The following SNTG1 variants were observed in gnomAD, a reference collection of about 807,000 sequenced individuals.
The protein encoded by SNTG1 is syntrophin gamma 1, also known as gamma-1-syntrophin.
SNTG1 carries 39 observed loss-of-function variants against 74.7 expected under a neutral mutation model. That is an observed-to-expected ratio of 0.52 (90% CI 0.40 to 0.68). SNTG1 has a LOEUF of 0.68. Among genes scored for constraint, SNTG1 ranks in the 30% least tolerant of loss-of-function variants. The pLI is 0.00. For synonymous variants in SNTG1, 254 were observed against 217.1 expected (o/e 1.17, Z -1.49); for missense variants, 685 against 609.5 (o/e 1.12, Z -1.30).
Position 50,074,912 on chromosome 8 carries a change from G to A in SNTG1, c.-102-97649G>A, listed in dbSNP as rs368260521. 5.3e-5 allele frequency among the ~76,000 whole-genome samples: 8 copies of A among 152,154 alleles called. No individual in the cohort carries two copies. The South Asian group carries it at 1.0e-3, about 20-fold the overall frequency. On this transcript the variant is annotated intron_variant, in intron 1 of 18. Coordinates refer to ENST00000642720, the MANE Select transcript of SNTG1 (RefSeq NM_018967.5). ...TGCCCCGGCCGCACTCGCGGCGCAC[G>A]CGAGTTCGGGGTGGGCATCCTCTCC...
At chr8:50,430,794 A>T (rs928574363) in intron 4 of SNTG1, among the ~76,000 whole-genome samples, 11 of 152,226 alleles carry the variant, frequency 7.2e-5, no homozygotes, top group African/African-American at 2.7e-4. Context: ...CAAGAATGAC[A>T]TGTTCTTACA....
intron 12 of SNTG1, among the ~76,000 whole-genome samples, chr8:50,562,015 A>T (rs1454644366): frequency 1.3e-5 from 2 of 152,214 alleles, no homozygotes; most frequent in Non-Finnish European, 2.9e-5. Context: ...TTACCCAAAA[A>T]AGATAACTGT....
intron 2 of SNTG1, among the ~76,000 whole-genome samples, chr8:50,326,620 A>C (rs1305843316): frequency 6.6e-6 from 1 of 150,818 alleles, no homozygotes; most frequent in Non-Finnish European, 1.5e-5. Context: ...CTGTTTTACT[A>C]ATTTTATTGA....
intron 9 of SNTG1, among the ~76,000 whole-genome samples, chr8:50,522,654 T>A (rs924758043): frequency 6.6e-6 from 1 of 150,790 alleles, no homozygotes; most frequent in Admixed American, 6.6e-5. Context: ...TCTACACTAA[T>A]TGCAGCCTTT....
intron 8 of SNTG1, among the ~76,000 whole-genome samples, chr8:50,464,731 T>C (rs1418028108): frequency 2.0e-5 from 3 of 151,852 alleles, no homozygotes; most frequent in African/African-American, 7.3e-5. Context: ...AGAGTGGAAC[T>C]CTGTCTCAAA....
intron 12 of SNTG1, among the ~76,000 whole-genome samples, chr8:50,559,114 A>C (rs2094472741): frequency 6.6e-6 from 1 of 152,198 alleles, no homozygotes; most frequent in Non-Finnish European, 1.5e-5. Context: ...GCAAAGAAAA[A>C]TCATGCCAGA....
intron 1 of SNTG1, among the ~76,000 whole-genome samples, chr8:50,172,032 C>A (rs1034861172): frequency 6.6e-6 from 1 of 152,174 alleles, no homozygotes; most frequent in African/African-American, 2.4e-5. Context: ...ACTCTAGCCT[C>A]TAAAATTAGC....
intron 15 of SNTG1, among the ~76,000 whole-genome samples, chr8:50,701,422 C>T (rs2095423119): frequency 6.6e-6 from 1 of 152,154 alleles, no homozygotes; most frequent in Non-Finnish European, 1.5e-5. Context: ...TTCTGAAATG[C>T]CTGACTTGGC....
intron 2 of SNTG1, among the ~76,000 whole-genome samples, chr8:50,273,643 T>A: frequency 6.6e-6 from 1 of 152,272 alleles, no homozygotes; most frequent in African/African-American, 2.4e-5. Flanking sequence ...AACAGAATGA[T>A]CAGTGTAGGC....
chr8:50,016,908 T>A (rs1313047509), intron 1 of SNTG1, among the ~76,000 whole-genome samples: 2 of 152,062 alleles, frequency 1.3e-5, no homozygotes, highest in Admixed American at 1.3e-4. Context: ...TGACTTCACG[T>A]CAGAAACCAA....
chr8:50,339,163 A>G (rs919838186), intron 2 of SNTG1, among the ~76,000 whole-genome samples: 1 of 152,104 alleles, frequency 6.6e-6, no homozygotes, highest in Non-Finnish European at 1.5e-5. Context: ...TGAAAATTTC[A>G]TTAAAAAACA....
At chr8:50,282,590 C>T (rs1328561568) in intron 2 of SNTG1, among the ~76,000 whole-genome samples, 2 of 109,102 alleles carry the variant, frequency 1.8e-5, no homozygotes, top group African/African-American at 2.9e-5. Context: ...CTGTCTGCCC[C>T]GTCCCTACTG....
chr8:50,161,742 T>A (rs1002695961), intron 1 of SNTG1, among the ~76,000 whole-genome samples: 1 of 150,266 alleles, frequency 6.7e-6, no homozygotes, highest in Non-Finnish European at 1.5e-5. Context: ...ACAAAAAAGG[T>A]ATGGAAGAAA....
intron 4 of SNTG1, among the ~76,000 whole-genome samples, chr8:50,427,931 T>A (rs923457594): frequency 2.0e-5 from 3 of 152,216 alleles, no homozygotes; most frequent in African/African-American, 7.2e-5. Flanking sequence ...GCCAGAGTTT[T>A]CAGTTAGAGA....
At chr8:50,254,499 C>G (rs1335143975) in intron 2 of SNTG1, among the ~76,000 whole-genome samples, 1 of 152,100 alleles carries the variant, frequency 6.6e-6, no homozygotes, top group Non-Finnish European at 1.5e-5. Flanking sequence ...ACTTGAGTCT[C>G]AAATTTCTTA....
At chr8:49,984,020 C>T (rs2130188383) in intron 1 of SNTG1, among the ~76,000 whole-genome samples, 2 of 152,172 alleles carry the variant, frequency 1.3e-5, no homozygotes, top group South Asian at 2.1e-4. Context: ...TCTTACTATC[C>T]ATTATACTAG....
intron 18 of SNTG1, among the ~76,000 whole-genome samples, chr8:50,752,497 A>G (rs952247790): frequency 2.6e-5 from 4 of 151,930 alleles, no homozygotes; most frequent in African/African-American, 9.7e-5. Flanking sequence ...TTATTTACAT[A>G]TATTTTTTCA....
intron 15 of SNTG1, among the ~76,000 whole-genome samples, chr8:50,703,379 A>C (rs1455037234): frequency 6.6e-6 from 1 of 152,130 alleles, no homozygotes; most frequent in Non-Finnish European, 1.5e-5. Context: ...CTTGGCCTGC[A>C]TATAGTCAGG....
At chr8:50,574,073 A>G (rs899099673) in intron 12 of SNTG1, among the ~76,000 whole-genome samples, 2 of 152,000 alleles carry the variant, frequency 1.3e-5, no homozygotes, top group African/African-American at 2.4e-5. Context: ...ATCTCAACCC[A>G]TTTATGCCTA....
Sources: allele counts gnomAD v4.1 joint callset (sites outside exome capture counted in the v4.1 genomes callset), GRCh38; gene constraint gnomAD v4.1.1; transcripts MANE v1.5; gene names NCBI Gene and HGNC (gene_info 2026-07-23, HGNC 2026-07-21).